SCN8A: variants seen among roughly 807,000 people sequenced by gnomAD.
SCN8A encodes sodium channel protein type 8 subunit alpha.
SCN8A carries 30 observed loss-of-function variants against 184.1 expected under a neutral mutation model. That is an observed-to-expected ratio of 0.16 (90% CI 0.12 to 0.22). The LOEUF is 0.22. Ranked by LOEUF, SCN8A falls within the 10% of genes least tolerant of loss-of-function variation. SCN8A has a pLI of 1.00. For synonymous variants in SCN8A, 852 were observed against 907.0 expected, an observed-to-expected ratio of 0.94 and a Z score of 1.09; for missense variants, 1,057 against 2,498.9, an observed-to-expected ratio of 0.42 and a Z score of 12.30.
At chr12:51,607,481 G>A (rs1396677145) in intron 1 of SCN8A, among the ~76,000 whole-genome samples, 1 of 152,136 alleles carries the variant, frequency 6.6e-6, no homozygotes, top group Non-Finnish European at 1.5e-5. Context: ...CAAGTGGTGA[G>A]AGTAGGCATC....
chr12:51,712,199 A>T lies in SCN8A; in HGVS notation c.1635+5484A>T, dbSNP rs140329567. 1.6e-4 allele frequency among the ~76,000 whole-genome samples: 24 copies of T among 152,380 alleles called. No homozygotes were observed. In the East Asian group the frequency reaches 3.5e-3, roughly 22 times the overall value. ...AAGGCTACAACAGATAAAAAACCTCAGGAATGTACATCTAATTGACACTAC... is the reference window on the plus strand; with the variant it reads ...AAGGCTACAACAGATAAAAAACCTCTGGAATGTACATCTAATTGACACTAC... On this transcript the variant is annotated intron_variant, in intron 11 of 26. Transcript: ENST00000627620.
chr12:51,650,735 C>A (rs1166369355), intron 1 of SCN8A, among the ~76,000 whole-genome samples: 3 of 152,084 alleles, frequency 2.0e-5, no homozygotes, highest in Non-Finnish European at 4.4e-5. Context: ...ACCTGGCCCA[C>A]CCCACATTGG....
chr12:51,620,892 C>T (rs1338803341), intron 1 of SCN8A, among the ~76,000 whole-genome samples: 8 of 151,406 alleles, frequency 5.3e-5, no homozygotes, highest in East Asian at 3.9e-4. Flanking sequence ...GAGGCTGAGG[C>T]GGGAGGATGG....
In SCN8A at chr12:51,622,764, A is replaced by G. The variant is rs139845921; in HGVS notation, c.-55+31405A>G. Among the ~76,000 whole-genome samples the G allele has an allele frequency of 2.3e-3, 352 of 152,314 alleles. 7 individuals are homozygous for G. The highest frequency in any genetic ancestry group is 0.015 in the East Asian group (78 of 5,180). ...TCTTTGGCAATGGGTCACCAAGTCCAGCCCACGCTTGGGGGAGGAGGAGTG... is the reference window on the plus strand; with the variant it reads ...TCTTTGGCAATGGGTCACCAAGTCCGGCCCACGCTTGGGGGAGGAGGAGTG... On this transcript the variant is annotated intron_variant, in intron 1 of 26. Transcript: ENST00000627620.
At chr12:51,758,649 G>T (rs1359726536) in intron 14 of SCN8A, among the ~76,000 whole-genome samples, 1 of 152,124 alleles carries the variant, frequency 6.6e-6, no homozygotes, top group Admixed American at 6.5e-5. Flanking sequence ...TGTTGGCCAG[G>T]CTGGTCTTGA....
At chr12:51,739,344 C>T (rs1462536437) in intron 12 of SCN8A, among the ~76,000 whole-genome samples, 2 of 152,024 alleles carry the variant, frequency 1.3e-5, no homozygotes, top group Non-Finnish European at 2.9e-5. Flanking sequence ...CTCGAGGTGC[C>T]GCTCGAAGAG....
At position 51,807,634 on chromosome 12, in the gene SCN8A, C is replaced by A; in HGVS notation, c.*205C>A. 1.6e-6 allele frequency: 1 copy of A among 610,140 alleles called. No individual in the cohort carries two copies. Among genetic ancestry groups the A allele is most frequent in the Non-Finnish European group, 2.9e-6 (1 of 349,034 alleles). 37.8% of individuals were successfully genotyped at this position (610,140 alleles called of 1,614,324 possible). ...CAAAGGACCCCGCTCCCTAGACTTACAGATTTTCTAATGCTTGGGCAGGTG... is the reference window on the plus strand; with the variant it reads ...CAAAGGACCCCGCTCCCTAGACTTAAAGATTTTCTAATGCTTGGGCAGGTG... On this transcript the variant is annotated 3_prime_UTR_variant, in exon 27 of 27. Transcript: ENST00000627620. The surrounding 1 kb of genome is among the most constrained non-coding windows in gnomAD (Gnocchi z 4.5).
chr12:51,698,727 A>C (rs1004637448), intron 6 of SCN8A, among the ~76,000 whole-genome samples: 3 of 152,244 alleles, frequency 2.0e-5, no homozygotes, highest in Admixed American at 2.0e-4. Context: ...AAAAAAGATC[A>C]TTGTAGAAAG....
intron 1 of SCN8A, among the ~76,000 whole-genome samples, chr12:51,615,545 C>T (rs1184750949): frequency 6.6e-6 from 1 of 151,878 alleles, no homozygotes; most frequent in East Asian, 1.9e-4. Flanking sequence ...AGGGTAAAAC[C>T]CTGTCTGAAA....
intron 26 of SCN8A, among the ~76,000 whole-genome samples, chr12:51,795,812 A>G (rs1004448994): frequency 2.0e-5 from 3 of 151,688 alleles, no homozygotes; most frequent in Non-Finnish European, 4.4e-5. Context: ...TTGGGAGGCA[A>G]GGCGGGCAGA....
At chr12:51,760,106 G>A (rs1236221943) in intron 14 of SCN8A, among the ~76,000 whole-genome samples, 1 of 152,204 alleles carries the variant, frequency 6.6e-6, no homozygotes, top group Non-Finnish European at 1.5e-5. Context: ...TGGGGATTAA[G>A]TTTTAATACA....
intron 1 of SCN8A, among the ~76,000 whole-genome samples, chr12:51,615,732 TG>T (rs1348983054): frequency 1.3e-5 from 2 of 152,118 alleles, no homozygotes; most frequent in Admixed American, 6.5e-5. Context: ...AATTATTTTT[TG>T]TGGAGACAAG....
intron 1 of SCN8A, among the ~76,000 whole-genome samples, chr12:51,614,385 A>G (rs1939786888): frequency 6.6e-6 from 1 of 152,120 alleles, no homozygotes; most frequent in Non-Finnish European, 1.5e-5. Context: ...TTTATCTGAT[A>G]TTAATATAAT....
intron 9 of SCN8A, among the ~76,000 whole-genome samples, chr12:51,704,670 C>CAAA (rs34946747): frequency 7.5e-5 from 7 of 93,088 alleles, no homozygotes; most frequent in African/African-American, 2.4e-4. Flanking sequence ...ACTCCACCTA[C>CAAA]AAAAAAAAAA....
At chr12:51,668,364 C>T (rs984236962) in intron 2 of SCN8A, among the ~76,000 whole-genome samples, 1 of 152,058 alleles carries the variant, frequency 6.6e-6, no homozygotes, top group Non-Finnish European at 1.5e-5. Context: ...AGGTGAAGTA[C>T]TTTGTCAAAA....
At chr12:51,607,702 T>C (rs560253728) in intron 1 of SCN8A, among the ~76,000 whole-genome samples, 2 of 152,364 alleles carry the variant, frequency 1.3e-5, no homozygotes, top group Admixed American at 6.5e-5. Context: ...TTTTTGTTTT[T>C]AATTCTGTTT....
At chr12:51,741,595 G>C (rs1942424664) in intron 12 of SCN8A, among the ~76,000 whole-genome samples, 1 of 152,028 alleles carries the variant, frequency 6.6e-6, no homozygotes, top group Non-Finnish European at 1.5e-5. Flanking sequence ...CTGGTGGTAT[G>C]ACTTAATTTC....
At chr12:51,648,660 A>G (rs960842494) in intron 1 of SCN8A, among the ~76,000 whole-genome samples, 2 of 152,178 alleles carry the variant, frequency 1.3e-5, no homozygotes, top group African/African-American at 4.8e-5. Context: ...CGTGAGACTT[A>G]TTCTCTACCA....
rs369059936 is a variant in SCN8A at position 51,735,719 on chromosome 12, A to T, written c.1999-10184A>T. On this transcript the variant is annotated intron_variant, in intron 12 of 26. Transcript: ENST00000627620. ...CGTAACTGTTGGGGTCCTCCTCAGCATCGGTCTCGACATGGCTGCAACCGG... is the reference window on the plus strand; with the variant it reads ...CGTAACTGTTGGGGTCCTCCTCAGCTTCGGTCTCGACATGGCTGCAACCGG... Among the ~76,000 whole-genome samples, 171 of 152,238 alleles carry T rather than the reference A, an allele frequency of 1.1e-3. No individual in the cohort carries two copies. The Middle Eastern group carries it at 0.014, about 12-fold the overall frequency.
Sources: gnomAD v4.1 joint callset for allele counts (sites outside exome capture counted in the v4.1 genomes callset) on GRCh38, gnomAD v4.1.1 for gene constraint, Gnocchi (gnomAD v3.1) non-coding constraint, MANE v1.5 for transcripts, NCBI Gene and HGNC (gene_info 2026-07-23, HGNC 2026-07-21) for gene names.